Variants in MAGED1 observed in about 807,000 individuals in gnomAD.
The protein encoded by MAGED1 is melanoma-associated antigen D1.
MAGED1 carries 3 observed loss-of-function variants against 54.1 expected under a neutral mutation model. The ratio of observed to expected loss-of-function variants is 0.06; its 90% confidence interval spans 0.03 to 0.14. The LOEUF is 0.14. MAGED1 is among the 10% of genes least tolerant of loss of function. MAGED1 has a pLI of 1.00. For missense variants in MAGED1, 485 were observed against 623.4 expected, an observed-to-expected ratio of 0.78 and a Z score of 2.36; for synonymous variants, 217 against 227.3, an observed-to-expected ratio of 0.95 and a Z score of 0.41.
Position 51,894,258 on chromosome X carries a change from C to G in MAGED1, c.-36-11C>G, listed in dbSNP as rs372808969. On this transcript the variant is annotated splice_polypyrimidine_tract_variant and intron_variant, in intron 1 of 12. Coordinates refer to ENST00000326587, the MANE Select transcript of MAGED1 (RefSeq NM_006986.4). ...CCCTCTGTAGTATAACGCCCTGCCCCTCTCCCACAGCCCCCAGGCTCCGCT... is the reference window on the plus strand; with the variant it reads ...CCCTCTGTAGTATAACGCCCTGCCCGTCTCCCACAGCCCCCAGGCTCCGCT... 1 of 1,112,258 alleles carries G rather than the reference C, an allele frequency of 9.0e-7. No individual in the cohort carries two copies. The highest frequency in any genetic ancestry group is 3.2e-5 in the East Asian group (1 of 31,103). The allele number at this position is 1,112,258 out of a possible 1,213,427, so 91.7% of individuals were successfully genotyped here. A position where few individuals can be genotyped will look rare whatever the true frequency, so the allele number is the denominator to read the frequency against.
At position 51,896,403 on chromosome X, in the gene MAGED1, A is replaced by G; in HGVS notation, c.754-6A>G. On this transcript the variant is annotated splice_polypyrimidine_tract_variant and splice_region_variant and intron_variant, in intron 3 of 12. Coordinates refer to ENST00000326587, the MANE Select transcript of MAGED1 (RefSeq NM_006986.4). ...GGTGATTCTGAACTTCTCTCTGATG[A>G]TGCAGATTAATAACTTGAATGTTGA... The G allele has an allele frequency of 8.3e-7, 1 of 1,198,097 alleles. No homozygotes were observed. Among genetic ancestry groups the G allele is most frequent in the Non-Finnish European group, 1.1e-6 (1 of 887,414 alleles).
chrX:51,886,873 T>C (rs893357049), intron 1 of MAGED1, among the ~76,000 whole-genome samples: 3 of 110,108 alleles, frequency 2.7e-5, no homozygotes, highest in Non-Finnish European at 5.7e-5. Flanking sequence ...CTAGGCAACA[T>C]AGGGAGACCA....
chrX:51,852,208 G>C (rs186008561), intron 1 of MAGED1, among the ~76,000 whole-genome samples: 1 of 111,413 alleles, frequency 9.0e-6, no homozygotes, highest in Admixed American at 9.5e-5. Context: ...ACCTGCTCCC[G>C]TTGCCATCTC....
chrX:51,815,813 G>C (rs1395636742), intron 1 of MAGED1, among the ~76,000 whole-genome samples: 1 of 111,441 alleles, frequency 9.0e-6, no homozygotes, highest in Non-Finnish European at 1.9e-5. Context: ...GAGCCACTGT[G>C]CCCGGCCATG....
chrX:51,829,024 T>C (rs1056602502), intron 1 of MAGED1, among the ~76,000 whole-genome samples: 1 of 110,943 alleles, frequency 9.0e-6, no homozygotes, highest in Admixed American at 9.7e-5. Context: ...GCAGCACATG[T>C]CCAAAGAGAA....
chrX:51,808,119 T>C (rs1265878554), intron 1 of MAGED1, among the ~76,000 whole-genome samples: 1 of 112,336 alleles, frequency 8.9e-6, no homozygotes, highest in African/African-American at 3.2e-5. Flanking sequence ...AACAAATACC[T>C]AATCTTTTCA....
chrX:51,891,865 A>G (rs782088934), upstream of MAGED1, among the ~76,000 whole-genome samples: 8 of 112,305 alleles, frequency 7.1e-5, no homozygotes, highest in Non-Finnish European at 1.1e-4. Context: ...AGCATAGAAA[A>G]TGGTGTTTCT....
chrX:51,894,538 C>T, intron 2 of MAGED1, 189 bp downstream of exon 2: 1 of 909,843 alleles, frequency 1.1e-6, no homozygotes, highest in Non-Finnish European at 1.6e-6. Context: ...TCAGTCCCTG[C>T]TCAGAGAGAG....
chrX:51,897,303 GCCCTT>G, intron 5 of MAGED1, 32 bp downstream of exon 5: 1 of 1,162,784 alleles, frequency 8.6e-7, no homozygotes, highest in Non-Finnish European at 1.2e-6. Context: ...CCCAAGCTCT[GCCCTT>G]CCCTTCACTC....
At chrX:51,900,025 CTTGATG>C (rs1928938479) in intron 10 of MAGED1, 151 bp from the exon 11 acceptor site, 35 of 440,635 alleles carry the variant, frequency 7.9e-5, no homozygotes, top group Non-Finnish European at 1.3e-4. Context: ...GAATTTAAGG[CTTGATG>C]ATTAAGGGGT....
In MAGED1 at chrX:51,895,132, C is replaced by A; in HGVS notation, c.125C>A (p.Thr42Asn). Residue 42 changes from threonine (T) to asparagine (N), a missense_variant, in exon 3 of 13, where the codon ACT becomes AAT. Thr to Asn is a moderately conservative substitution (Grantham distance 65). Around this residue, in one of 2 missense-constraint regions of MAGED1, gnomAD observed 299 missense variants for 293.1 expected, o/e 1.02. Coordinates refer to ENST00000326587, the MANE Select transcript of MAGED1 (RefSeq NM_006986.4). ...ATCCAGATCTCAGAGGCTCCACCTA[C>A]TAACCAGGCCACCGCAGCTGCTAGT... ...EAIQISEAPPTNQATAAASPQ... is the reference protein window; with the variant it reads ...EAIQISEAPPNNQATAAASPQ... The A allele has an allele frequency of 8.3e-7, 1 of 1,211,994 alleles. No individual in the cohort carries two copies. Among genetic ancestry groups the A allele is most frequent in the Non-Finnish European group, 1.1e-6 (1 of 895,506 alleles).
In MAGED1 at chrX:51,847,064, G is replaced by A. The variant is rs193250336; in HGVS notation, c.-37+43947G>A. Among the ~76,000 whole-genome samples the A allele has an allele frequency of 7.1e-5, 8 of 112,512 alleles. No individual in the cohort carries two copies. In the South Asian group the frequency reaches 2.2e-3, roughly 31 times the overall value. The stretch of plus-strand genomic sequence containing the variant: ...AAACAAATATGTATCTGTTTAAAAT[G>A]TTGATTATCAAATACATCAAACCTA... On this transcript the variant is annotated intron_variant, in intron 1 of 12. Transcript: ENST00000375772.
chrX:51,808,914 C>T (rs1286493292), intron 1 of MAGED1, among the ~76,000 whole-genome samples: 1 of 111,596 alleles, frequency 9.0e-6, no homozygotes, highest in Non-Finnish European at 1.9e-5. Flanking sequence ...CATTATTATA[C>T]TTAGTAAGAT....
intron 1 of MAGED1, among the ~76,000 whole-genome samples, chrX:51,863,806 C>A (rs782301060): frequency 1.8e-5 from 2 of 111,170 alleles, no homozygotes; most frequent in African/African-American, 3.3e-5. Context: ...AGGTCCTTTG[C>A]CCATTTTTAA....
chrX:51,841,205 A>G (rs1483344827), intron 1 of MAGED1, among the ~76,000 whole-genome samples: 2 of 110,872 alleles, frequency 1.8e-5, no homozygotes, highest in African/African-American at 6.6e-5. Context: ...GCATTTCTTC[A>G]TGTGTGTTTT....
At chrX:51,818,998 C>T (rs1460664369) in intron 1 of MAGED1, among the ~76,000 whole-genome samples, 2 of 111,886 alleles carry the variant, frequency 1.8e-5, no homozygotes, top group Admixed American at 1.9e-4. Flanking sequence ...AAAACATTTA[C>T]TTTCTTTACA....
intron 1 of MAGED1, among the ~76,000 whole-genome samples, chrX:51,869,031 A>G (rs1365885126): frequency 8.9e-6 from 1 of 111,849 alleles, no homozygotes; most frequent in Admixed American, 9.5e-5. Context: ...TGGGGAATAT[A>G]TGTGAGTGAG....
chrX:51,863,537 TG>T (rs782074151), intron 1 of MAGED1, among the ~76,000 whole-genome samples: 2 of 111,810 alleles, frequency 1.8e-5, no homozygotes, highest in Non-Finnish European at 3.8e-5. Flanking sequence ...TTCTTAATTT[TG>T]GGGGGGAACC....
rs913994929 is a variant in MAGED1, at chrX:51,853,430, G to A, written c.-36-40839G>A. 2.7e-5 allele frequency among the ~76,000 whole-genome samples: 3 copies of A among 112,264 alleles called. No homozygotes were observed. In the Admixed American group the frequency reaches 2.8e-4, roughly 11 times the overall value. ...GATCCAAATCTGAGCTGCAAAACTG[G>A]CCTGCTTCCATTCACCCTCCCCTTT... On this transcript the variant is annotated intron_variant, in intron 1 of 12. Coordinates refer to the MAGED1 transcript ENST00000375772.
Sources: gnomAD v4.1 joint callset for allele counts (sites outside exome capture counted in the v4.1 genomes callset) on GRCh38, gnomAD v4.1.1 for gene constraint, gnomAD v4.1.1 regional missense constraint, MANE v1.5 for transcripts, NCBI Gene and HGNC (gene_info 2026-07-23, HGNC 2026-07-21) for gene names.